SHISA9: variants seen among roughly 807,000 people sequenced by gnomAD.
The protein encoded by SHISA9 is shisa family member 9.
SHISA9 carries 13 observed loss-of-function variants against 38.0 expected under a neutral mutation model. That is an observed-to-expected ratio of 0.34 (90% CI 0.22 to 0.54). The LOEUF (loss-of-function observed/expected upper bound fraction) is 0.54, where lower values mean the gene tolerates loss of function less well. Among genes scored for constraint, SHISA9 ranks in the 20% least tolerant of loss-of-function variants. SHISA9 has a pLI of 0.91. For missense variants in SHISA9, 538 were observed against 575.8 expected (o/e 0.93, Z 0.67); for synonymous variants, 275 against 242.0 (o/e 1.14, Z -1.27).
chr16:13,262,640 G>A, the SHISA9 span, among the ~76,000 whole-genome samples: 2 of 37,504 alleles, frequency 5.3e-5, no homozygotes, highest in Non-Finnish European at 1.2e-4. Context: ...GTGGAAGGAA[G>A]GAAGGAAGGA....
At chr16:13,394,213 T>C in the SHISA9 span, among the ~76,000 whole-genome samples, 4 of 152,174 alleles carry the variant, frequency 2.6e-5, no homozygotes, top group Non-Finnish European at 5.9e-5. Context: ...ACAGTCCCAA[T>C]GCCCAGCCTG....
chr16:13,243,191 G>T (rs150482582), downstream of SHISA9, among the ~76,000 whole-genome samples: 117 of 151,670 alleles, frequency 7.7e-4, 1 homozygote, highest in East Asian at 0.021. Context: ...AGTGAGCCGA[G>T]ATCGCGCCAC....
chr16:13,467,997 C>T, the SHISA9 span, among the ~76,000 whole-genome samples: 1 of 152,200 alleles, frequency 6.6e-6, no homozygotes, highest in Admixed American at 6.5e-5. Context: ...AACTGAAAAA[C>T]TTAACAGCAA....
chr16:13,344,693 C>A, the SHISA9 span, among the ~76,000 whole-genome samples: 1 of 152,136 alleles, frequency 6.6e-6, no homozygotes, highest in East Asian at 1.9e-4. Flanking sequence ...TAAGCACTTA[C>A]AATAGATGCT....
chr16:12,968,615 C>G (rs537147621), intron 2 of SHISA9, among the ~76,000 whole-genome samples: 4 of 152,232 alleles, frequency 2.6e-5, no homozygotes, highest in African/African-American at 9.6e-5. Flanking sequence ...ATGTGTGAAC[C>G]TTGCAAATAT....
At chr16:13,480,356 C>G in the SHISA9 span, among the ~76,000 whole-genome samples, 2 of 152,112 alleles carry the variant, frequency 1.3e-5, no homozygotes, top group African/African-American at 4.8e-5. Flanking sequence ...TTCATCTGGT[C>G]AAAACCAGGA....
At chr16:13,212,031 C>T (rs749044940) in intron 3 of SHISA9, among the ~76,000 whole-genome samples, 2 of 152,134 alleles carry the variant, frequency 1.3e-5, no homozygotes, top group African/African-American at 4.8e-5. Context: ...GAGGGGTGTA[C>T]AGTTCAGATC....
chr16:13,064,624 C>T (rs370643286), intron 2 of SHISA9, among the ~76,000 whole-genome samples: 42 of 151,916 alleles, frequency 2.8e-4, no homozygotes, highest in African/African-American at 8.9e-4. Context: ...CACTAGTAGC[C>T]AATAACGGAA....
the SHISA9 span, among the ~76,000 whole-genome samples, chr16:13,484,963 G>C: frequency 6.6e-6 from 1 of 152,012 alleles, no homozygotes; most frequent in East Asian, 1.9e-4. Context: ...GACCATATCA[G>C]TAAGCTCCTG....
At chr16:13,267,677 AGTT>A in the SHISA9 span, among the ~76,000 whole-genome samples, 1 of 152,216 alleles carries the variant, frequency 6.6e-6, no homozygotes, top group Non-Finnish European at 1.5e-5. Context: ...GATACAGTCC[AGTT>A]GCTGGATTAT....
At chr16:13,478,455 A>G in the SHISA9 span, among the ~76,000 whole-genome samples, 19 of 152,164 alleles carry the variant, frequency 1.2e-4, no homozygotes, top group Non-Finnish European at 2.4e-4. Flanking sequence ...TTAGGGTCCT[A>G]TAAGTCTGGA....
At chr16:13,540,191 G>GCC in the SHISA9 span, among the ~76,000 whole-genome samples, 4 of 96,420 alleles carry the variant, frequency 4.1e-5, no homozygotes, top group African/African-American at 1.4e-4. Context: ...GTGCATACAT[G>GCC]CCCACACACA....
the SHISA9 span, among the ~76,000 whole-genome samples, chr16:13,484,466 C>G: frequency 3.3e-3 from 510 of 152,290 alleles, 1 homozygote; most frequent in Middle Eastern, 0.017. Context: ...TCCTCTTCCT[C>G]TCAAGTAGCT....
chr16:13,434,563 G>A, the SHISA9 span, among the ~76,000 whole-genome samples: 20 of 151,704 alleles, frequency 1.3e-4, no homozygotes, highest in African/African-American at 4.1e-4. Context: ...GACTACAGGC[G>A]CCCGCCACCA....
In SHISA9 at chr16:13,014,259, G is replaced by GGT. The variant is rs557575583; in HGVS notation, c.691+97445_691+97446dup. On this transcript the variant is annotated intron_variant, in intron 2 of 4. Coordinates refer to ENST00000558583, the MANE Select transcript of SHISA9 (RefSeq NM_001145204.3). ...GCCTGAATCCAGAGCCATCCTCCCA[G>GGT]GTAAAGCATTTACGTGGGATTCTCA... Among the ~76,000 whole-genome samples the GGT allele has an allele frequency of 2.2e-3, 334 of 152,256 alleles. 2 individuals are homozygous for GGT. The highest frequency in any genetic ancestry group is 6.8e-3 in the Middle Eastern group (2 of 294).
intron 2 of SHISA9, among the ~76,000 whole-genome samples, chr16:13,152,121 A>C (rs190200315): frequency 3.3e-5 from 5 of 152,216 alleles, no homozygotes; most frequent in Non-Finnish European, 5.9e-5. Context: ...TTCAGTGTAA[A>C]TAAATAAAAG....
intron 2 of SHISA9, among the ~76,000 whole-genome samples, chr16:13,182,443 G>C (rs1393120338): frequency 6.6e-6 from 1 of 152,160 alleles, no homozygotes; most frequent in Admixed American, 6.5e-5. Flanking sequence ...GCAGGTCTCA[G>C]TGTATCCACT....
chr16:12,953,410 C>G (rs896780446), intron 2 of SHISA9, among the ~76,000 whole-genome samples: 4 of 152,178 alleles, frequency 2.6e-5, no homozygotes, highest in African/African-American at 9.6e-5. Context: ...AAAGATGAAG[C>G]TGTTGGCCAA....
chr16:12,983,171 A>C (rs2072262612), intron 2 of SHISA9, among the ~76,000 whole-genome samples: 1 of 152,178 alleles, frequency 6.6e-6, no homozygotes, highest in Admixed American at 6.5e-5. Flanking sequence ...GGCTGCAGAG[A>C]GAAGTGTTCA....
Sources: allele counts gnomAD v4.1 joint callset (sites outside exome capture counted in the v4.1 genomes callset), GRCh38; gene constraint gnomAD v4.1.1; transcripts MANE v1.5; gene names NCBI Gene and HGNC (gene_info 2026-07-23, HGNC 2026-07-21).